Variants in TRMT44 observed in about 807,000 individuals in gnomAD.
TRMT44 encodes tRNA methyltransferase 44 homolog, also known as probable tRNA (uracil-O(2)-)-methyltransferase.
TRMT44 carries 78 observed loss-of-function variants against 77.3 expected under a neutral mutation model. That is an observed-to-expected ratio of 1.01 (90% CI 0.84 to 1.22). TRMT44 has a LOEUF of 1.22. Among genes scored for constraint, TRMT44 ranks in the 50% most tolerant of loss-of-function variants. The pLI, the probability that TRMT44 is intolerant of heterozygous loss-of-function variation, is 0.00. For missense variants in TRMT44, 1,090 were observed against 964.4 expected, an observed-to-expected ratio of 1.13 and a Z score of -1.73; for synonymous variants, 391 against 383.3, an observed-to-expected ratio of 1.02 and a Z score of -0.23.
intron 6 of TRMT44, among the ~76,000 whole-genome samples, chr4:8,462,342 C>G (rs1159808564): frequency 6.6e-6 from 1 of 151,930 alleles, no homozygotes; most frequent in Non-Finnish European, 1.5e-5. Context: ...ACCAGGGAGG[C>G]TGAGGTTGCA....
intron 2 of TRMT44, among the ~76,000 whole-genome samples, chr4:8,487,387 T>G (rs1727842793): frequency 6.6e-6 from 1 of 151,966 alleles, no homozygotes; most frequent in East Asian, 1.9e-4. Context: ...GTTCGGGGGT[T>G]CTTACCCTCC....
At chr4:8,506,150 G>A in the TRMT44 span, among the ~76,000 whole-genome samples, 1 of 152,254 alleles carries the variant, frequency 6.6e-6, no homozygotes, top group African/African-American at 2.4e-5. Context: ...AGCTAGAGAA[G>A]GGGCACTCCC....
rs1006941103 is a variant in TRMT44, at chr4:8,471,386, C to T, written c.2044+186C>T. On this transcript the variant is annotated intron_variant, in intron 10 of 10. Transcript: ENST00000389737. ...CCTCAGGGTGGGACGTGGGTCACCC[C>T]GTTCCCTCCTTGCTCCTCTGGACCT... Among the ~76,000 whole-genome samples the T allele has an allele frequency of 4.6e-5, 7 of 152,184 alleles. No homozygotes were observed. The South Asian group carries it at 6.2e-4, about 14-fold the overall frequency.
At chr4:8,492,613 T>C (rs3103090) in intron 2 of TRMT44, among the ~76,000 whole-genome samples, 101,943 of 152,086 alleles carry the variant, frequency 0.67, 35,515 homozygotes, top group African/African-American at 0.88. Flanking sequence ...AACCTGCCTC[T>C]CATTCTATTC....
rs1053981216 is a variant in TRMT44 at position 8,444,085 on chromosome 4, T to G, written c.620-2391T>G. 6.6e-6 allele frequency among the ~76,000 whole-genome samples: 1 copy of G among 152,226 alleles called. No homozygotes were observed. The highest frequency in any genetic ancestry group is 1.5e-5 in the Non-Finnish European group (1 of 68,040). On this transcript the variant is annotated intron_variant, in intron 1 of 10. Coordinates refer to ENST00000389737, the MANE Select transcript of TRMT44 (RefSeq NM_152544.3). This position sits in a 1 kb window ranked among gnomAD's most constrained non-coding sequence, Gnocchi z 4.0. ...GAATTCAGTTTGAGGCTATGTGGATTTGAGACAGATTACTTAATCTGTTGA... is the reference window on the plus strand; with the variant it reads ...GAATTCAGTTTGAGGCTATGTGGATGTGAGACAGATTACTTAATCTGTTGA...
At position 8,451,038 on chromosome 4, in the gene TRMT44, G is replaced by C. The variant is rs1725416941; in HGVS notation, c.955-922G>C. 6.6e-6 allele frequency among the ~76,000 whole-genome samples: 1 copy of C among 152,030 alleles called. No individual in the cohort carries two copies. The highest frequency in any genetic ancestry group is 2.1e-4 in the South Asian group (1 of 4,828). On this transcript the variant is annotated intron_variant, in intron 3 of 10. Coordinates refer to ENST00000389737, the MANE Select transcript of TRMT44 (RefSeq NM_152544.3). The surrounding 1 kb of genome is among the most constrained non-coding windows in gnomAD (Gnocchi z 4.1). ...CTGCTTTGGCCTCCTAAAGTGCTTG[G>C]ATTACAGGCTTGAGCCACTGCCCGG...
rs1457944726 is a variant in TRMT44, at chr4:8,444,406, T to G, written c.620-2070T>G. 1.3e-5 allele frequency among the ~76,000 whole-genome samples: 2 copies of G among 152,010 alleles called. No homozygotes were observed. The highest frequency in any genetic ancestry group is 4.8e-5 in the African/African-American group (2 of 41,416). ...TGAATAATAACTTAATTGTACTTTT[T>G]TTTTTTTTTTGAGAGTAGTCTCGCT... On this transcript the variant is annotated intron_variant, in intron 1 of 10. Transcript: ENST00000389737. The surrounding 1 kb of genome is among the most constrained non-coding windows in gnomAD (Gnocchi z 4.0).
chr4:8,456,611 G>A (rs866789815), intron 6 of TRMT44, among the ~76,000 whole-genome samples: 2 of 151,776 alleles, frequency 1.3e-5, no homozygotes, highest in Non-Finnish European at 1.5e-5. Context: ...ACCAGCAGGC[G>A]GGTGTATTCA....
chr4:8,466,286 G>A (rs1302304196), intron 8 of TRMT44, among the ~76,000 whole-genome samples: 5 of 152,232 alleles, frequency 3.3e-5, no homozygotes, highest in African/African-American at 9.6e-5. Context: ...TGATCTGAGT[G>A]AAGCCTCGGC....
intron 7 of TRMT44, among the ~76,000 whole-genome samples, chr4:8,465,068 G>T (rs540785335): frequency 6.6e-6 from 1 of 152,210 alleles, no homozygotes; most frequent in South Asian, 2.1e-4. Context: ...CTGCTGGAGT[G>T]GGGAGTGAGG....
Position 8,446,609 on chromosome 4 carries a change from A to G in TRMT44, c.734+19A>G. 1 of 1,483,396 alleles carries G rather than the reference A, an allele frequency of 6.7e-7. No homozygotes were observed. Among genetic ancestry groups the G allele is most frequent in the South Asian group, 1.2e-5 (1 of 81,470 alleles). The allele number at this position is 1,483,396 out of a possible 1,614,324, so 91.9% of individuals were successfully genotyped here. On this transcript the variant is annotated intron_variant, in intron 2 of 10. Coordinates refer to ENST00000389737, the MANE Select transcript of TRMT44 (RefSeq NM_152544.3). The surrounding 1 kb of genome is among the most constrained non-coding windows in gnomAD (Gnocchi z 4.3). ...AAGAATGGTAAGAGCTGGACAGTGG[A>G]CTCCTAGTTTTATGGTTTCCATTGA...
intron 6 of TRMT44, among the ~76,000 whole-genome samples, chr4:8,459,026 C>T (rs1016494939): frequency 4.0e-5 from 6 of 151,272 alleles, no homozygotes; most frequent in Non-Finnish European, 7.4e-5. Flanking sequence ...TGGCAAAATC[C>T]CATCTCTACT....
the TRMT44 span, among the ~76,000 whole-genome samples, chr4:8,500,641 T>A: frequency 6.6e-6 from 1 of 151,354 alleles, no homozygotes; most frequent in Non-Finnish European, 1.5e-5. Flanking sequence ...TTCACAAGTG[T>A]CTGGCAGGCA....
At chr4:8,490,062 G>C (rs961159219) in intron 2 of TRMT44, among the ~76,000 whole-genome samples, 1 of 152,090 alleles carries the variant, frequency 6.6e-6, no homozygotes, top group Non-Finnish European at 1.5e-5. Context: ...CCCTGCTCCT[G>C]TGGCCCCCAC....
chr4:8,496,690 G>A (rs934225251), downstream of TRMT44, among the ~76,000 whole-genome samples: 7 of 152,150 alleles, frequency 4.6e-5, no homozygotes, highest in Non-Finnish European at 7.4e-5. Context: ...AGATGCAGGC[G>A]GTCACTGTGG....
intron 2 of TRMT44, among the ~76,000 whole-genome samples, chr4:8,486,027 G>C (rs1351390362): frequency 2.0e-5 from 3 of 152,152 alleles, no homozygotes; most frequent in African/African-American, 7.2e-5. Flanking sequence ...CAAGGTGATC[G>C]GGCAGCGTCA....
chr4:8,479,309 G>C (rs970616399), downstream of TRMT44: 1 of 151,888 alleles, frequency 6.6e-6, no homozygotes, highest in African/African-American at 2.4e-5. Context: ...GGTGGTTCAC[G>C]AGAAAGCACA....
intron 10 of TRMT44, among the ~76,000 whole-genome samples, chr4:8,475,566 G>A (rs1342538316): frequency 6.6e-6 from 1 of 152,150 alleles, no homozygotes; most frequent in African/African-American, 2.4e-5. Context: ...CACCTTCCCC[G>A]GCCTTGCCTG....
chr4:8,489,185 A>G (rs1357856913), intron 2 of TRMT44, among the ~76,000 whole-genome samples: 3 of 152,232 alleles, frequency 2.0e-5, no homozygotes, highest in Non-Finnish European at 4.4e-5. Context: ...TTTCGCTTGA[A>G]GGCCCTGGGG....
Sources: gnomAD v4.1 joint callset for allele counts (sites outside exome capture counted in the v4.1 genomes callset) on GRCh38, gnomAD v4.1.1 for gene constraint, Gnocchi (gnomAD v3.1) non-coding constraint, MANE v1.5 for transcripts, NCBI Gene and HGNC (gene_info 2026-07-23, HGNC 2026-07-21) for gene names.